EPB41L4A: variants seen among roughly 807,000 people sequenced by gnomAD.
The protein encoded by EPB41L4A is erythrocyte membrane protein band 4.1 like 4A, also known as band 4.1-like protein 4A.
EPB41L4A carries 100 observed loss-of-function variants against 108.6 expected under a neutral mutation model. That is an observed-to-expected ratio of 0.92 (90% CI 0.78 to 1.09). The LOEUF (loss-of-function observed/expected upper bound fraction) is 1.09, where lower values mean the gene tolerates loss of function less well. EPB41L4A is among the 50% of genes least tolerant of loss of function. The pLI is 0.00. For synonymous variants in EPB41L4A, 319 were observed against 289.0 expected (o/e 1.10, Z -1.05); for missense variants, 1,030 against 842.7 (o/e 1.22, Z -2.75).
At chr5:112,250,014 TAC>T (rs147028081) in intron 9 of EPB41L4A, among the ~76,000 whole-genome samples, 1 of 151,832 alleles carries the variant, frequency 6.6e-6, no homozygotes, top group Non-Finnish European at 1.5e-5. Flanking sequence ...TACATATAGA[TAC>T]ACACACATTT....
At chr5:112,275,574 TACAC>T (rs973911655) in intron 3 of EPB41L4A, among the ~76,000 whole-genome samples, 170 bp from the exon 4 acceptor site, 2 of 152,032 alleles carry the variant, frequency 1.3e-5, no homozygotes, top group African/African-American at 2.4e-5. Flanking sequence ...CCTCGACACA[TACAC>T]ACACACAGAT....
intron 1 of EPB41L4A, among the ~76,000 whole-genome samples, chr5:112,401,525 T>G (rs972785891): frequency 6.6e-6 from 1 of 152,216 alleles, no homozygotes; most frequent in Non-Finnish European, 1.5e-5. Context: ...ACAGCAAATA[T>G]GTAAATATGT....
intron 1 of EPB41L4A, among the ~76,000 whole-genome samples, chr5:112,404,019 G>A (rs1435382308): frequency 2.0e-5 from 3 of 152,218 alleles, no homozygotes; most frequent in Non-Finnish European, 4.4e-5. Context: ...TCTGTTCCAT[G>A]CAATAAATCA....
chr5:112,229,292 T>TA (rs1748696218), intron 12 of EPB41L4A, among the ~76,000 whole-genome samples: 1 of 152,258 alleles, frequency 6.6e-6, no homozygotes, highest in African/African-American at 2.4e-5. Context: ...GGTGAATAGT[T>TA]ACATCAGAAA....
Position 112,277,999 on chromosome 5 carries a change from G to C in EPB41L4A, c.256+2273C>G, listed in dbSNP as rs184978820. On this transcript the variant is annotated intron_variant, in intron 3 of 22. Coordinates refer to ENST00000261486, the MANE Select transcript of EPB41L4A (RefSeq NM_022140.5). Reference sequence around the variant, plus strand: ...CTGGGAATCCTCTATATTTTGTGTAGACTAATTTTGAGGTCTTTGATAAGG... The same window carrying C: ...CTGGGAATCCTCTATATTTTGTGTACACTAATTTTGAGGTCTTTGATAAGG... Among the ~76,000 whole-genome samples, 728 of 152,246 alleles carry C rather than the reference G, an allele frequency of 4.8e-3. 6 individuals are homozygous for C. The highest frequency in any genetic ancestry group is 7.3e-3 in the Non-Finnish European group (495 of 68,014).
chr5:112,306,868 A>T (rs908801581), intron 2 of EPB41L4A, among the ~76,000 whole-genome samples: 1 of 152,130 alleles, frequency 6.6e-6, no homozygotes, highest in African/African-American at 2.4e-5. Flanking sequence ...CTAAAAGCTA[A>T]GTTGCCTTTA....
chr5:112,289,750 T>C (rs1753529791), intron 2 of EPB41L4A, among the ~76,000 whole-genome samples: 1 of 152,172 alleles, frequency 6.6e-6, no homozygotes, highest in Non-Finnish European at 1.5e-5. Context: ...GCCTCCAGCC[T>C]TCATGCTGCT....
chr5:112,419,326 C>G (rs1268767195), upstream of EPB41L4A: 5 of 348,358 alleles, frequency 1.4e-5, no homozygotes, highest in Non-Finnish European at 2.6e-5. Flanking sequence ...GGCTCGAGCT[C>G]CTCCGAAGGC....
At chr5:112,382,245 A>T (rs1342087685) in intron 1 of EPB41L4A, among the ~76,000 whole-genome samples, 2 of 152,152 alleles carry the variant, frequency 1.3e-5, no homozygotes, top group Non-Finnish European at 2.9e-5. Flanking sequence ...ATTAGTCACC[A>T]CCATTTCTTC....
chr5:112,145,668 A>T (rs913647375), intron 13 of EPB41L4A, among the ~76,000 whole-genome samples: 5 of 152,212 alleles, frequency 3.3e-5, no homozygotes, highest in Non-Finnish European at 4.4e-5. Context: ...TAACCAGCCT[A>T]AGACTTAGGA....
chr5:112,245,174 T>G lies in EPB41L4A; in HGVS notation c.796-4364A>C, dbSNP rs78570690. ...AAATACTATTTATATTTTAAGTAAC[T>G]GAACAGAAAACTAAGCAAAACACAA... On this transcript the variant is annotated intron_variant, in intron 9 of 22. Coordinates refer to ENST00000261486, the MANE Select transcript of EPB41L4A (RefSeq NM_022140.5). Among the ~76,000 whole-genome samples the G allele has an allele frequency of 0.015, 2,233 of 151,484 alleles. 232 individuals carry two copies. The East Asian group carries it at 0.27, about 18-fold the overall frequency.
chr5:112,390,125 G>A (rs1760835426), intron 1 of EPB41L4A, among the ~76,000 whole-genome samples: 1 of 152,246 alleles, frequency 6.6e-6, no homozygotes, highest in South Asian at 2.1e-4. Context: ...CTCCCAGCGT[G>A]ATCGACACAG....
At chr5:112,223,230 G>A (rs768931933) in intron 12 of EPB41L4A, among the ~76,000 whole-genome samples, 4 of 152,022 alleles carry the variant, frequency 2.6e-5, no homozygotes, top group Non-Finnish European at 5.9e-5. Flanking sequence ...TTGAGCCACC[G>A]TGCCCGACCG....
At chr5:112,229,670 C>T (rs927265480) in intron 12 of EPB41L4A, among the ~76,000 whole-genome samples, 1 of 152,022 alleles carries the variant, frequency 6.6e-6, no homozygotes, top group African/African-American at 2.4e-5. Flanking sequence ...TTTGGTTTTC[C>T]ATTCCTGAGT....
chr5:112,327,188 T>G (rs1016514830), intron 1 of EPB41L4A, among the ~76,000 whole-genome samples: 1 of 152,124 alleles, frequency 6.6e-6, no homozygotes, highest in East Asian at 1.9e-4. Flanking sequence ...GACAAGACAT[T>G]AAGACTCAAA....
At chr5:112,362,286 T>TG (rs936737503) in intron 1 of EPB41L4A, among the ~76,000 whole-genome samples, 4 of 150,528 alleles carry the variant, frequency 2.7e-5, no homozygotes, top group Admixed American at 6.6e-5. Flanking sequence ...ATTAATGTTT[T>TG]TTTTTTTTTT....
chr5:112,206,315 G>C (rs1762470698), intron 13 of EPB41L4A, among the ~76,000 whole-genome samples: 1 of 151,268 alleles, frequency 6.6e-6, no homozygotes, highest in South Asian at 2.1e-4. Context: ...TCATAGAGGA[G>C]TACTTTGTAA....
At chr5:112,350,351 T>C (rs1757962208) in intron 1 of EPB41L4A, among the ~76,000 whole-genome samples, 1 of 152,190 alleles carries the variant, frequency 6.6e-6, no homozygotes, top group Admixed American at 6.5e-5. Context: ...GCATCTTTTT[T>C]TGATACATAA....
chr5:112,409,377 G>T (rs1035965051), intron 1 of EPB41L4A, among the ~76,000 whole-genome samples: 2 of 152,164 alleles, frequency 1.3e-5, no homozygotes, highest in African/African-American at 4.8e-5. Context: ...GTTTCTTTCT[G>T]CAGGGACGAA....
Sources: gnomAD v4.1 joint callset for allele counts (sites outside exome capture counted in the v4.1 genomes callset) on GRCh38, gnomAD v4.1.1 for gene constraint, MANE v1.5 for transcripts, NCBI Gene and HGNC (gene_info 2026-07-23, HGNC 2026-07-21) for gene names.